TMEM131: variants seen among roughly 807,000 people sequenced by gnomAD.
TMEM131 encodes 2610524E03Rik.
A neutral mutation model predicts 211.6 loss-of-function variants in TMEM131; 66 were observed. The observed-to-expected ratio is 0.31, with a 90% CI of 0.26 to 0.38. TMEM131 has a LOEUF of 0.38. Among genes scored for constraint, TMEM131 ranks in the 10% least tolerant of loss-of-function variants. The pLI is 1.00. For missense variants in TMEM131, 2,036 were observed against 2,299.3 expected (o/e 0.89, Z 2.34); for synonymous variants, 844 against 841.3 (o/e 1.00, Z -0.06).
chr2:97,855,965 CATT>C (rs1487804786), intron 5 of TMEM131, among the ~76,000 whole-genome samples: 2 of 152,110 alleles, frequency 1.3e-5, no homozygotes, highest in African/African-American at 4.8e-5. Context: ...AGAGATTGAT[CATT>C]AAGTATACTG....
rs764417162 is a variant in TMEM131 at position 97,919,770 on chromosome 2, A to G, written c.249+7656T>C. Among the ~76,000 whole-genome samples the G allele has an allele frequency of 1.2e-3, 178 of 152,214 alleles. 3 individuals are homozygous for G. The highest frequency in any genetic ancestry group is 4.1e-3 in the Admixed American group (62 of 15,294). On this transcript the variant is annotated intron_variant, in intron 2 of 40. Transcript: ENST00000186436. ...TTTTTAGTAGAGACAGGGTTTCACC[A>G]TATCGGTCAGGCTTGTCTCGAACTC...
chr2:97,767,441 T>A (rs1269729351), intron 33 of TMEM131, among the ~76,000 whole-genome samples: 1 of 152,318 alleles, frequency 6.6e-6, no homozygotes, highest in East Asian at 1.9e-4. Context: ...GCATTCTTTA[T>A]GAAGCCACAT....
chr2:97,947,746 T>C (rs1052557039), intron 1 of TMEM131, among the ~76,000 whole-genome samples: 2 of 152,104 alleles, frequency 1.3e-5, no homozygotes, highest in East Asian at 1.9e-4. Context: ...AAAAGAATTT[T>C]GAAAAAGAAG....
At chr2:97,960,856 AAAGC>A (rs1678782668) in intron 1 of TMEM131, among the ~76,000 whole-genome samples, 2 of 152,102 alleles carry the variant, frequency 1.3e-5, no homozygotes, top group Non-Finnish European at 2.9e-5. Context: ...TAATACCAGA[AAAGC>A]AAGGATGGTT....
intron 1 of TMEM131, among the ~76,000 whole-genome samples, chr2:97,937,957 C>T (rs1677521074): frequency 6.6e-6 from 1 of 152,116 alleles, no homozygotes; most frequent in South Asian, 2.1e-4. Context: ...AAATAAAATC[C>T]TTTACAGACA....
intron 1 of TMEM131, among the ~76,000 whole-genome samples, chr2:97,974,505 C>A (rs996200413): frequency 1.3e-5 from 2 of 151,542 alleles, no homozygotes; most frequent in African/African-American, 4.8e-5. Flanking sequence ...AGAAGCTCAA[C>A]AAACCCTGAG....
intron 4 of TMEM131, among the ~76,000 whole-genome samples, chr2:97,874,415 A>G (rs1251581038): frequency 6.6e-6 from 1 of 152,214 alleles, no homozygotes. Context: ...CCTAAGACAC[A>G]TAATCGTCAG....
chr2:97,909,085 A>G (rs1049021591), intron 2 of TMEM131, among the ~76,000 whole-genome samples: 1 of 152,196 alleles, frequency 6.6e-6, no homozygotes, highest in Non-Finnish European at 1.5e-5. Context: ...GGAGATAGTC[A>G]TTTAAAAATA....
chr2:97,803,737 G>C (rs1388958394), intron 22 of TMEM131, among the ~76,000 whole-genome samples: 1 of 152,166 alleles, frequency 6.6e-6, no homozygotes, highest in African/African-American at 2.4e-5. Flanking sequence ...CTTAGCAATG[G>C]GGTGCTGGGG....
At chr2:97,908,930 C>T (rs977704524) in intron 2 of TMEM131, among the ~76,000 whole-genome samples, 1 of 152,180 alleles carries the variant, frequency 6.6e-6, no homozygotes. Context: ...CAAACCGACA[C>T]ATCCTGAGAA....
chr2:97,888,304 A>C (rs1171567842), intron 3 of TMEM131, among the ~76,000 whole-genome samples, 184 bp from the exon 4 acceptor site: 2 of 152,244 alleles, frequency 1.3e-5, no homozygotes, highest in East Asian at 1.9e-4. Flanking sequence ...GCGTTTTAGA[A>C]AATGAAAAAG....
At chr2:97,837,274 A>T in intron 7 of TMEM131, 117 bp from the exon 8 acceptor site, 1 of 684,508 alleles carries the variant, frequency 1.5e-6, no homozygotes, top group Non-Finnish European at 2.4e-6. Context: ...ACATTTAAAG[A>T]TATAAACGTA....
chr2:97,774,742 G>A (rs6737466), intron 32 of TMEM131, among the ~76,000 whole-genome samples: 6 of 152,264 alleles, frequency 3.9e-5, no homozygotes, highest in Non-Finnish European at 7.4e-5. Context: ...AATGCCTTCC[G>A]AACGCTGATG....
chr2:97,854,403 A>G (rs1673755644), intron 5 of TMEM131, among the ~76,000 whole-genome samples: 1 of 152,138 alleles, frequency 6.6e-6, no homozygotes, highest in Non-Finnish European at 1.5e-5. Context: ...CTGGAACGGA[A>G]CCCATAATAT....
intron 4 of TMEM131, among the ~76,000 whole-genome samples, chr2:97,878,801 C>CA (rs1674801405): frequency 6.6e-6 from 1 of 152,030 alleles, no homozygotes; most frequent in South Asian, 2.1e-4. Flanking sequence ...ACCTATGTAA[C>CA]AAAACTGCAC....
At chr2:97,836,798 AC>A (rs775735308) in intron 8 of TMEM131, among the ~76,000 whole-genome samples, 2 of 152,144 alleles carry the variant, frequency 1.3e-5, no homozygotes, top group African/African-American at 2.4e-5. Context: ...AGACAACTTT[AC>A]CCATATAATT....
chr2:97,796,781 A>T, intron 27 of TMEM131, 63 bp downstream of exon 27: 1 of 1,526,438 alleles, frequency 6.6e-7, no homozygotes, highest in East Asian at 2.3e-5. Flanking sequence ...TTGTTTTTGA[A>T]ATTATTTACT....
intron 1 of TMEM131, among the ~76,000 whole-genome samples, chr2:97,974,588 T>A (rs1679448527): frequency 6.7e-6 from 1 of 148,750 alleles, no homozygotes. Context: ...AAAAAAATCT[T>A]AAAAGTATCA....
At chr2:97,797,311 A>C in intron 26 of TMEM131, 54 bp downstream of exon 26, 1 of 1,456,624 alleles carries the variant, frequency 6.9e-7, no homozygotes, top group Non-Finnish European at 9.3e-7. Context: ...AAAACAAGTG[A>C]GGACTTCTAA....
Sources: gnomAD v4.1 joint callset for allele counts (sites outside exome capture counted in the v4.1 genomes callset) on GRCh38, gnomAD v4.1.1 for gene constraint, MANE v1.5 for transcripts, NCBI Gene and HGNC (gene_info 2026-07-23, HGNC 2026-07-21) for gene names.